CYP4F11: variants seen among roughly 807,000 people sequenced by gnomAD.
The protein encoded by CYP4F11 is cytochrome P450 family 4 subfamily F member 11, also known as cytochrome P450 4F11.
CYP4F11 carries 79 observed loss-of-function variants against 62.2 expected under a neutral mutation model. The ratio of observed to expected loss-of-function variants is 1.27; its 90% CI spans 1.06 to 1.53. The LOEUF is 1.53. Ranked by LOEUF, CYP4F11 falls within the 40% of genes most tolerant of loss-of-function variation. CYP4F11 has a pLI of 0.00. For missense variants in CYP4F11, 777 were observed against 680.5 expected (o/e 1.14, Z -1.58); for synonymous variants, 290 against 263.7 (o/e 1.10, Z -0.97).
intron 5 of CYP4F11, 44 bp from the exon 6 acceptor site, chr19:15,924,126 A>G (rs780169225): frequency 1.5e-5 from 24 of 1,589,888 alleles, no homozygotes; most frequent in Admixed American, 3.4e-5. Flanking sequence ...AAGTCCCAGG[A>G]GCACCTCTCA....
intron 1 of CYP4F11, among the ~76,000 whole-genome samples, chr19:15,931,116 G>C (rs1282868397): frequency 6.6e-6 from 1 of 152,034 alleles, no homozygotes; most frequent in Admixed American, 6.5e-5. Flanking sequence ...ATTCAGGCAG[G>C]TAACAAGGCC....
chr19:15,931,681 CGAGGAGAGGAATGAGTGAGCGAGG>C (rs2089725952), intron 1 of CYP4F11, among the ~76,000 whole-genome samples: 1 of 21,528 alleles, frequency 4.6e-5, no homozygotes, highest in Non-Finnish European at 7.4e-5. Flanking sequence ...AATGAGTGAG[CGAGGAGAGGAATGAGTGAGCGAGG>C]AGAGGAATGA....
chr19:15,914,476 A>G, intron 10 of CYP4F11, 89 bp from the exon 11 acceptor site: 2 of 1,554,892 alleles, frequency 1.3e-6, no homozygotes, highest in Non-Finnish European at 1.8e-6. Flanking sequence ...GGCCTTGGAG[A>G]GACATTTTGG....
In CYP4F11 at chr19:15,927,717, C is replaced by G; in HGVS notation, c.344-234G>C. ...CATGCCCCAGCACACAGTGACATAT[C>G]TCCTACAAGGTCCAACATGTTCTGC... On this transcript the variant is annotated intron_variant, in intron 2 of 11. Coordinates refer to ENST00000402119, the MANE Select transcript of CYP4F11 (RefSeq NM_021187.4). 6 of 583,838 alleles carry G rather than the reference C, an allele frequency of 1.0e-5. No individual in the cohort carries two copies. The South Asian group carries it at 1.3e-4, about 12-fold the overall frequency. 36.2% of individuals were successfully genotyped at this position (583,838 alleles called of 1,614,324 possible).
intron 8 of CYP4F11, among the ~76,000 whole-genome samples, chr19:15,919,793 G>A (rs1165375551): frequency 6.6e-6 from 1 of 152,110 alleles, no homozygotes; most frequent in African/African-American, 2.4e-5. Flanking sequence ...GATTCTGGAG[G>A]ACATTATGCT....
At position 15,924,901 on chromosome 19, in the gene CYP4F11, G is replaced by A. The variant is rs752808691; in HGVS notation, c.526-19C>T. On this transcript the variant is annotated intron_variant, in intron 4 of 11. Coordinates refer to ENST00000402119, the MANE Select transcript of CYP4F11 (RefSeq NM_021187.4). The stretch of plus-strand genomic sequence containing the variant: ...ACTTGTCCTGGCCAGAGAAAAAACA[G>A]AGCCAAAGCTGGGAACTGCCTCCTG... 9 of 1,601,036 alleles carry A rather than the reference G, an allele frequency of 5.6e-6. No individual in the cohort carries two copies. Among genetic ancestry groups the A allele is most frequent in the African/African-American group, 1.3e-5 (1 of 74,352 alleles).
intron 6 of CYP4F11, 53 bp from the exon 7 acceptor site, chr19:15,922,483 G>A (rs1049048148): frequency 2.9e-5 from 45 of 1,572,094 alleles, no homozygotes; most frequent in Non-Finnish European, 3.9e-5. Context: ...AGCTCTGAAG[G>A]CTCTTGAGTC....
In CYP4F11 at chr19:15,931,059, C is replaced by T. The variant is rs79478716; in HGVS notation, c.199-1458G>A. On this transcript the variant is annotated intron_variant, in intron 1 of 11. Transcript: ENST00000402119. The stretch of plus-strand genomic sequence containing the variant: ...GGTCTAAGTCGGAGGCCAAGGTCTG[C>T]GGAGTCAAGGACAGCTTCTGAAAAG... 8.5e-3 allele frequency among the ~76,000 whole-genome samples: 1,297 copies of T among 152,260 alleles called. 19 individuals are homozygous for T. Among genetic ancestry groups the T allele is most frequent in the African/African-American group, 0.029 (1,223 of 41,522 alleles).
At chr19:15,916,165 C>G (rs968039031) in intron 8 of CYP4F11, among the ~76,000 whole-genome samples, 1 of 152,008 alleles carries the variant, frequency 6.6e-6, no homozygotes, top group African/African-American at 2.4e-5. Flanking sequence ...AACTATGTGT[C>G]AATATTATGA....
intron 4 of CYP4F11, among the ~76,000 whole-genome samples, chr19:15,925,828 A>G (rs2089664928): frequency 6.6e-6 from 1 of 151,240 alleles, no homozygotes; most frequent in African/African-American, 2.4e-5. Context: ...TAAGGCAATG[A>G]CTGCTCCTGG....
rs768636318 is a variant in CYP4F11 at position 15,914,334 on chromosome 19, C to G, written c.1368G>C (p.Leu456=). Reference sequence around the variant, plus strand: ...GCCCTGCCGAGAAGGGAATAAAAGCCAGAGGTGACCTCTCCTTGATGTTCT... The same window carrying G: ...GCCCTGCCGAGAAGGGAATAAAAGCGAGAGGTGACCTCTCCTTGATGTTCT... The part of the protein sequence containing the change: ...DQENIKERSP[L]AFIPFSAGPR... The change falls in exon 11 of 12, where the codon CTG becomes CTC. Residue 456 remains leucine (L), a synonymous_variant. Coordinates refer to ENST00000402119, the MANE Select transcript of CYP4F11 (RefSeq NM_021187.4). 3 of 1,613,982 alleles carry G rather than the reference C, an allele frequency of 1.9e-6. No individual in the cohort carries two copies. Among genetic ancestry groups the G allele is most frequent in the Admixed American group, 3.3e-5 (2 of 60,002 alleles).
chr19:15,920,288 T>C (rs2089615846), intron 8 of CYP4F11, among the ~76,000 whole-genome samples: 1 of 152,152 alleles, frequency 6.6e-6, no homozygotes. Context: ...AGATACATTG[T>C]TAGTGGGCAG....
At chr19:15,930,755 G>A (rs1266945282) in intron 1 of CYP4F11, among the ~76,000 whole-genome samples, 1 of 151,982 alleles carries the variant, frequency 6.6e-6, no homozygotes, top group Non-Finnish European at 1.5e-5. Flanking sequence ...GGACAGCAGT[G>A]TGGCCTCAGG....
At chr19:15,927,528 G>T in intron 2 of CYP4F11, 45 bp from the exon 3 acceptor site, 2 of 1,611,034 alleles carry the variant, frequency 1.2e-6, no homozygotes, top group Non-Finnish European at 1.7e-6. Context: ...AGGGGTGAGA[G>T]AAGGACTTTG....
intron 4 of CYP4F11, among the ~76,000 whole-genome samples, chr19:15,925,858 C>T (rs1056434777): frequency 4.0e-5 from 6 of 151,362 alleles, no homozygotes; most frequent in Admixed American, 1.3e-4. Context: ...AGGCTTGCTT[C>T]TGCTTGCTAA....
At chr19:15,919,471 T>TATAGATAGATAG (rs3056072) in intron 8 of CYP4F11, among the ~76,000 whole-genome samples, 2,841 of 136,618 alleles carry the variant, frequency 0.021, 44 homozygotes, top group East Asian at 0.048. Flanking sequence ...TGGACAGATG[T>TATAGATAGATAG]ATAGATAGAT....
intron 8 of CYP4F11, among the ~76,000 whole-genome samples, chr19:15,919,628 C>A (rs984725674): frequency 5.3e-5 from 8 of 151,742 alleles, no homozygotes; most frequent in African/African-American, 1.7e-4. Context: ...AAGGTTAAAC[C>A]CTGTCTTATC....
rs145052769 is a variant in CYP4F11 at position 15,928,314 on chromosome 19, A to C, written c.344-831T>G. On this transcript the variant is annotated intron_variant, in intron 2 of 11. Transcript: ENST00000402119. ...TATATGATCCCAGGTGGAAGCATAT[A>C]CCAGATACAATCAAATATAATGTAG... 1.1e-4 allele frequency among the ~76,000 whole-genome samples: 17 copies of C among 152,348 alleles called. No individual in the cohort carries two copies. In the East Asian group the frequency reaches 3.3e-3, roughly 29 times the overall value.
chr19:15,928,504 C>G (rs1359921253), intron 2 of CYP4F11, among the ~76,000 whole-genome samples: 1 of 152,150 alleles, frequency 6.6e-6, no homozygotes, highest in African/African-American at 2.4e-5. Flanking sequence ...TTAATTGACA[C>G]CTGGATCCAA....
Sources: gnomAD v4.1 joint callset for allele counts (sites outside exome capture counted in the v4.1 genomes callset) on GRCh38, gnomAD v4.1.1 for gene constraint, MANE v1.5 for transcripts, NCBI Gene and HGNC (gene_info 2026-07-23, HGNC 2026-07-21) for gene names.